Variants in OTC observed in about 807,000 individuals in gnomAD.
OTC encodes ornithine transcarbamylase, also known as ornithine transcarbamylase, mitochondrial.
In OTC, 3 loss-of-function variants were observed where a neutral mutation model predicts 30.3. That is an observed-to-expected ratio of 0.10 (90% CI 0.05 to 0.26). The LOEUF (loss-of-function observed/expected upper bound fraction) is 0.26. Among genes scored for constraint, OTC ranks in the 10% least tolerant of loss-of-function variants. OTC has a pLI of 1.00. For synonymous variants in OTC, 111 were observed against 99.7 expected (o/e 1.11, Z -0.67); for missense variants, 194 against 260.3 (o/e 0.75, Z 1.75).
At chrX:38,378,900 G>A (rs1423203326) in intron 3 of OTC, among the ~76,000 whole-genome samples, 1 of 111,762 alleles carries the variant, frequency 8.9e-6, no homozygotes, top group Non-Finnish European at 1.9e-5. Context: ...GAGTTCTAGT[G>A]TGATTTGGCG....
chrX:38,410,250 C>T (rs2068536375), intron 8 of OTC, among the ~76,000 whole-genome samples: 1 of 111,516 alleles, frequency 9.0e-6, no homozygotes, highest in Admixed American at 9.6e-5. Flanking sequence ...CTTGCTTATC[C>T]ATATTTCTTT....
At chrX:38,415,855 AAAAC>A (rs1158301484) in intron 9 of OTC, among the ~76,000 whole-genome samples, 1 of 112,184 alleles carries the variant, frequency 8.9e-6, no homozygotes, top group South Asian at 3.7e-4. Flanking sequence ...ACTCCGTCTC[AAAAC>A]AAACAAACAA....
chrX:38,400,504 G>A (rs1030969192), intron 4 of OTC, among the ~76,000 whole-genome samples: 2 of 110,749 alleles, frequency 1.8e-5, no homozygotes, highest in African/African-American at 6.6e-5. Context: ...GCAGGAGTGG[G>A]CAAGAGGGCC....
rs149485266 is a variant in OTC at position 38,356,961 on chromosome X, T to C, written c.77+4188T>C. On this transcript the variant is annotated intron_variant, in intron 1 of 9. Coordinates refer to ENST00000039007, the MANE Select transcript of OTC (RefSeq NM_000531.6). ...AGTGGGATCACTGCAAAGTTTTTTT[T>C]TGTGAAAATACAGCTCCTTTCTTTT... Among the ~76,000 whole-genome samples the C allele has an allele frequency of 3.1e-3, 349 of 111,890 alleles. 3 individuals carry two copies. Among genetic ancestry groups the C allele is most frequent in the African/African-American group, 0.011 (335 of 30,847 alleles).
At chrX:38,342,171 C>T in the OTC span, among the ~76,000 whole-genome samples, 2 of 108,100 alleles carry the variant, frequency 1.9e-5, no homozygotes, top group Admixed American at 2.0e-4. Context: ...TACAGGTGTC[C>T]GCCACCATGC....
intron 4 of OTC, among the ~76,000 whole-genome samples, chrX:38,389,869 T>G (rs1482467692): frequency 2.7e-5 from 3 of 111,423 alleles, no homozygotes; most frequent in Non-Finnish European, 5.7e-5. Flanking sequence ...TATATGAGGG[T>G]AAATGAGATC....
intron 3 of OTC, among the ~76,000 whole-genome samples, chrX:38,379,150 C>A (rs1360532522): frequency 9.0e-6 from 1 of 111,496 alleles, no homozygotes; most frequent in Non-Finnish European, 1.9e-5. Context: ...CTACCTGGCA[C>A]CTAGCACATA....
chrX:38,353,197 G>A (rs1215948067), intron 1 of OTC, among the ~76,000 whole-genome samples: 1 of 112,132 alleles, frequency 8.9e-6, no homozygotes. Context: ...TACTGACAAA[G>A]CTGCTGCAAA....
At chrX:38,349,186 G>A (rs756880970), upstream of OTC, among the ~76,000 whole-genome samples, 51 of 111,819 alleles carry the variant, frequency 4.6e-4, no homozygotes, top group African/African-American at 1.7e-3. Context: ...CACTGGCAGG[G>A]TAGTGAGGGA....
intron 6 of OTC, among the ~76,000 whole-genome samples, chrX:38,404,722 A>AG (rs1214602020): frequency 9.0e-6 from 1 of 111,227 alleles, no homozygotes; most frequent in Non-Finnish European, 1.9e-5. Flanking sequence ...CTAAGGGATT[A>AG]GGGGGAGCAG....
At chrX:38,397,448 G>T (rs771138823) in intron 4 of OTC, among the ~76,000 whole-genome samples, 2 of 111,604 alleles carry the variant, frequency 1.8e-5, no homozygotes, top group African/African-American at 3.3e-5. Context: ...ATCCTCTAAT[G>T]GTTTCTGGTT....
At chrX:38,370,457 A>G (rs1037622695) in intron 3 of OTC, among the ~76,000 whole-genome samples, 3 of 111,479 alleles carry the variant, frequency 2.7e-5, no homozygotes, top group African/African-American at 6.5e-5. Context: ...TGGGACTTCT[A>G]TATTCCCATT....
chrX:38,343,444 A>T, the OTC span, among the ~76,000 whole-genome samples: 1 of 112,241 alleles, frequency 8.9e-6, no homozygotes, highest in South Asian at 3.7e-4. Flanking sequence ...TCTGTGTGGG[A>T]ACTTGAAGAG....
rs185566681 is a variant in OTC at position 38,392,453 on chromosome X, A to G, written c.387-8822A>G. Reference sequence around the variant, plus strand: ...GTTTTAGATTGATGGAGAGCTCTATAAATCCCAGATTACTATTAATGTGCT... The same window carrying G: ...GTTTTAGATTGATGGAGAGCTCTATGAATCCCAGATTACTATTAATGTGCT... On this transcript the variant is annotated intron_variant, in intron 4 of 9. Transcript: ENST00000039007. Among the ~76,000 whole-genome samples the G allele has an allele frequency of 2.8e-4, 31 of 112,223 alleles. No individual in the cohort carries two copies. In the East Asian group the frequency reaches 8.6e-3, roughly 31 times the overall value.
chrX:38,363,567 T>C (rs2068281954), intron 1 of OTC, among the ~76,000 whole-genome samples: 1 of 111,607 alleles, frequency 9.0e-6, no homozygotes, highest in Admixed American at 9.6e-5. Context: ...TATCAGTACT[T>C]AGTATTCCAA....
chrX:38,357,323 A>AAT (rs1414745551), intron 1 of OTC, among the ~76,000 whole-genome samples: 11 of 112,462 alleles, frequency 9.8e-5, no homozygotes, highest in African/African-American at 3.6e-4. Context: ...ACCTTTGCCT[A>AAT]ATATCCTTTT....
At chrX:38,383,522 G>T (rs978575997) in intron 4 of OTC, among the ~76,000 whole-genome samples, 1 of 112,256 alleles carries the variant, frequency 8.9e-6, no homozygotes, top group Non-Finnish European at 1.9e-5. Flanking sequence ...ATTGGGCTGG[G>T]CGTGGTGGCT....
At chrX:38,352,143 A>G (rs2068220863), upstream of OTC, among the ~76,000 whole-genome samples, 1 of 107,225 alleles carries the variant, frequency 9.3e-6, no homozygotes, top group South Asian at 4.2e-4. Context: ...TACCTTCTCT[A>G]TCATCTTGCA....
the OTC span, among the ~76,000 whole-genome samples, chrX:38,335,150 A>G: frequency 8.9e-6 from 1 of 112,223 alleles, no homozygotes; most frequent in East Asian, 2.8e-4. Flanking sequence ...ACCCCAGTTT[A>G]GAGAATAGGC....
Sources: gnomAD v4.1 joint callset for allele counts (sites outside exome capture counted in the v4.1 genomes callset) on GRCh38, gnomAD v4.1.1 for gene constraint, MANE v1.5 for transcripts, NCBI Gene and HGNC (gene_info 2026-07-23, HGNC 2026-07-21) for gene names.